Variants in ITPR2 observed in about 807,000 individuals in gnomAD.
ITPR2 encodes inositol 1,4,5-trisphosphate receptor type 2.
ITPR2 carries 207 observed loss-of-function variants against 317.1 expected under a neutral mutation model. The ratio of observed to expected loss-of-function variants is 0.65; its 90% CI spans 0.58 to 0.73. The LOEUF (loss-of-function observed/expected upper bound fraction) is 0.73. Ranked by LOEUF, ITPR2 falls within the 30% of genes least tolerant of loss-of-function variation. The probability of loss-of-function intolerance (pLI) is 0.00; values close to 1 mark genes in which losing one functional copy is unlikely to be tolerated. For missense variants in ITPR2, 2,613 were observed against 3,284.0 expected (o/e 0.80, Z 4.99); for synonymous variants, 1,156 against 1,149.1 (o/e 1.01, Z -0.12).
intron 37 of ITPR2, among the ~76,000 whole-genome samples, chr12:26,517,193 G>T (rs973549164): frequency 3.3e-5 from 5 of 152,090 alleles, no homozygotes; most frequent in Admixed American, 2.6e-4. Flanking sequence ...TATATAGGGA[G>T]ATGCTATGGG....
chr12:26,795,975 C>T (rs542553502), intron 1 of ITPR2, among the ~76,000 whole-genome samples: 1 of 141,112 alleles, frequency 7.1e-6, no homozygotes, highest in African/African-American at 2.7e-5. Context: ...CAGAGCGAGA[C>T]TCTGTTTCCA....
At chr12:26,725,999 C>T (rs961392359) in intron 2 of ITPR2, 8 of 375,268 alleles carry the variant, frequency 2.1e-5, no homozygotes, top group African/African-American at 4.2e-5. Context: ...TTAAAGACTA[C>T]GATAGCCAGT....
At chr12:26,782,045 G>GT (rs1565760193) in intron 2 of ITPR2, among the ~76,000 whole-genome samples, 8 of 65,478 alleles carry the variant, frequency 1.2e-4, no homozygotes, top group African/African-American at 4.8e-4. Context: ...TATAGAGAGA[G>GT]AGAGAGAGAG....
intron 2 of ITPR2, among the ~76,000 whole-genome samples, chr12:26,757,004 T>C (rs1213426232): frequency 1.3e-5 from 2 of 152,232 alleles, no homozygotes; most frequent in East Asian, 1.9e-4. Flanking sequence ...GAGTGAACTC[T>C]GGTCATCCTC....
chr12:26,722,533 T>C lies in ITPR2; in HGVS notation c.389A>G (p.Lys130Arg), dbSNP rs1948855331. ...VIQLLHIKSN[K>R]YLTVNKRLPA... ...TAATCTCTTGTTGACAGTAAGATAT[T>C]TGTTGCTTTTTATATGCAGTAGCTA... Residue 130 changes from lysine (K) to arginine (R), a missense_variant, in exon 5 of 57, where the codon AAA becomes AGA. Physicochemically the swap from Lys to Arg is conservative, Grantham distance 26. Around this residue, in one of 9 missense-constraint regions of ITPR2, gnomAD observed 515 missense variants for 789.4 expected, o/e 0.65. Transcript: ENST00000381340. 1 of 1,612,558 alleles carries C rather than the reference T, an allele frequency of 6.2e-7. No homozygotes were observed. The highest frequency in any genetic ancestry group is 2.2e-5 in the East Asian group (1 of 44,838).
chr12:26,573,420 G>A (rs1031530217), intron 34 of ITPR2, among the ~76,000 whole-genome samples: 1 of 152,174 alleles, frequency 6.6e-6, no homozygotes, highest in Non-Finnish European at 1.5e-5. Context: ...CAGTGGTGAA[G>A]AAAGGAAAGT....
intron 26 of ITPR2, among the ~76,000 whole-genome samples, chr12:26,603,735 G>C (rs1591951656): frequency 6.6e-6 from 1 of 152,314 alleles, no homozygotes; most frequent in East Asian, 1.9e-4. Flanking sequence ...AGGCATAAAG[G>C]ATGTTTAAAT....
At chr12:26,742,439 A>G (rs1209314648) in intron 2 of ITPR2, among the ~76,000 whole-genome samples, 1 of 152,198 alleles carries the variant, frequency 6.6e-6, no homozygotes, top group African/African-American at 2.4e-5. Context: ...CAAAAAAGAG[A>G]AAAACCTAAA....
At chr12:26,710,372 G>A (rs1190216689) in intron 9 of ITPR2, among the ~76,000 whole-genome samples, 2 of 152,226 alleles carry the variant, frequency 1.3e-5, no homozygotes, top group Non-Finnish European at 2.9e-5. Context: ...AGAAATTGGA[G>A]TGTAGTGTGA....
At position 26,792,995 on chromosome 12, in the gene ITPR2, T is replaced by C. The variant is rs11048687; in HGVS notation, c.93-2768A>G. On this transcript the variant is annotated intron_variant, in intron 1 of 56. Transcript: ENST00000381340. The stretch of plus-strand genomic sequence containing the variant: ...AGGACTATTACCTCCTTCTTTCTGA[T>C]ACTAAACTTACAGAAATGCAACCTA... Among the ~76,000 whole-genome samples the C allele has an allele frequency of 5.3e-3, 814 of 152,340 alleles. 6 individuals are homozygous for C. The highest frequency in any genetic ancestry group is 7.9e-3 in the Non-Finnish European group (538 of 68,022).
intron 37 of ITPR2, among the ~76,000 whole-genome samples, chr12:26,532,353 C>A (rs1468343780): frequency 2.0e-5 from 3 of 152,148 alleles, no homozygotes; most frequent in African/African-American, 7.2e-5. Context: ...ATAAAACACT[C>A]CTCCAGAAAA....
intron 37 of ITPR2, among the ~76,000 whole-genome samples, chr12:26,539,078 T>A (rs1944186240): frequency 6.6e-6 from 1 of 152,208 alleles, no homozygotes; most frequent in Admixed American, 6.5e-5. Context: ...GTGGTTTTGG[T>A]GCCTCATATA....
At chr12:26,710,207 G>A (rs1948622695) in intron 9 of ITPR2, among the ~76,000 whole-genome samples, 1 of 152,212 alleles carries the variant, frequency 6.6e-6, no homozygotes, top group Non-Finnish European at 1.5e-5. Flanking sequence ...GGGCAACAGG[G>A]CAAGAATCTG....
rs768631633 is a variant in ITPR2, at chr12:26,372,488, T to C, written c.7857+14946A>G. Among the ~76,000 whole-genome samples the C allele has an allele frequency of 5.3e-5, 8 of 152,306 alleles. No individual in the cohort carries two copies. The South Asian group carries it at 6.2e-4, about 12-fold the overall frequency. Reference sequence around the variant, plus strand: ...CATTTTACAGATGAAGATACTGAGGTACAGGGAGGTTAAATGCCTGCCCAA... The same window carrying C: ...CATTTTACAGATGAAGATACTGAGGCACAGGGAGGTTAAATGCCTGCCCAA... On this transcript the variant is annotated intron_variant, in intron 55 of 56. Coordinates refer to ENST00000381340, the MANE Select transcript of ITPR2 (RefSeq NM_002223.4).
At chr12:26,753,112 T>C (rs1169756939) in intron 2 of ITPR2, among the ~76,000 whole-genome samples, 1 of 152,032 alleles carries the variant, frequency 6.6e-6, no homozygotes, top group African/African-American at 2.4e-5. Flanking sequence ...CTTAGGGGAA[T>C]TAGAGTCTCT....
At position 26,656,376 on chromosome 12, in the gene ITPR2, G is replaced by A. The variant is rs2136903960; in HGVS notation, c.2365C>T (p.Arg789Trp). 1.2e-6 allele frequency: 2 copies of A among 1,614,162 alleles called. No individual in the cohort carries two copies. Among genetic ancestry groups the A allele is most frequent in the Non-Finnish European group, 1.7e-6 (2 of 1,180,032 alleles). The change falls in exon 19 of 57, where the codon CGG becomes TGG. Residue 789 changes from arginine to tryptophan, a missense_variant. Coordinates refer to ENST00000381340, the MANE Select transcript of ITPR2 (RefSeq NM_002223.4). ...CRLMLHMHVDRDPQESVVPVR... is the reference protein window; with the variant it reads ...CRLMLHMHVDWDPQESVVPVR... ...GGCACCACGGACTCCTGGGGATCCC[G>A]GTCAACGTGCATGTGGAGCATGAGG... is the stretch of plus-strand genomic sequence containing the variant.
At chr12:26,461,364 C>T (rs1942014338) in intron 45 of ITPR2, among the ~76,000 whole-genome samples, 1 of 152,056 alleles carries the variant, frequency 6.6e-6, no homozygotes, top group African/African-American at 2.4e-5. Context: ...CTACATACAG[C>T]TCCTAGGTCA....
intron 9 of ITPR2, 73 bp from the exon 10 acceptor site, chr12:26,695,723 TC>T (rs1948331403): frequency 3.5e-6 from 3 of 852,526 alleles, no homozygotes; most frequent in Non-Finnish European, 5.5e-6. Context: ...GATCTTCAAT[TC>T]AATTAATATT....
At chr12:26,539,675 C>T (rs1394575605) in intron 37 of ITPR2, among the ~76,000 whole-genome samples, 3 of 152,312 alleles carry the variant, frequency 2.0e-5, no homozygotes, top group East Asian at 1.9e-4. Flanking sequence ...TTCTAAGCCA[C>T]ACAGTGAGCA....
Sources: allele counts gnomAD v4.1 joint callset (sites outside exome capture counted in the v4.1 genomes callset), GRCh38; gene constraint gnomAD v4.1.1; regional missense constraint gnomAD v4.1.1; transcripts MANE v1.5; gene names NCBI Gene and HGNC (gene_info 2026-07-23, HGNC 2026-07-21).